Variants in RBM33 observed in about 807,000 individuals in gnomAD.
RBM33 encodes RNA-binding protein 33.
In RBM33, 28 loss-of-function variants were observed where a neutral mutation model predicts 132.6. That is an observed-to-expected ratio of 0.21 (90% CI 0.16 to 0.29). The LOEUF is 0.29. Ranked by LOEUF, RBM33 falls within the 10% of genes least tolerant of loss-of-function variation. RBM33 has a pLI of 1.00. For missense variants in RBM33, 1,291 were observed against 1,518.5 expected (o/e 0.85, Z 2.49); for synonymous variants, 634 against 593.0 (o/e 1.07, Z -1.01).
chr7:155,711,075 T>C (rs998074172), intron 7 of RBM33, 128 bp from the exon 8 acceptor site: 14 of 1,338,912 alleles, frequency 1.0e-5, no homozygotes, highest in Non-Finnish European at 1.4e-5. Context: ...TCTTACATTG[T>C]AACTTAAAAA....
Position 155,766,675 on chromosome 7 carries a change from A to G in RBM33, c.3375+20A>G, listed in dbSNP as rs750254320. On this transcript the variant is annotated intron_variant, in intron 16 of 17. Coordinates refer to ENST00000401878, the MANE Select transcript of RBM33 (RefSeq NM_053043.3). ...ATTCAGGTAGCCGCCTGGGGGTGGCATCTGTGCCACGGGTAGTTGTGTCCC... is the reference window on the plus strand; with the variant it reads ...ATTCAGGTAGCCGCCTGGGGGTGGCGTCTGTGCCACGGGTAGTTGTGTCCC... 6.2e-6 allele frequency: 10 copies of G among 1,600,078 alleles called. No individual in the cohort carries two copies. The highest frequency in any genetic ancestry group is 6.8e-6 in the Non-Finnish European group (8 of 1,173,076).
intron 16 of RBM33, among the ~76,000 whole-genome samples, chr7:155,771,707 G>A (rs1014044625): frequency 9.2e-5 from 14 of 152,146 alleles, no homozygotes; most frequent in Admixed American, 8.5e-4. Flanking sequence ...AGAACTGCAT[G>A]ATATTTTCTT....
intron 7 of RBM33, 182 bp downstream of exon 7, chr7:155,707,250 A>G: frequency 1.4e-6 from 1 of 703,062 alleles, no homozygotes; most frequent in Non-Finnish European, 2.6e-6. Context: ...TTAGAAATTC[A>G]GCACTCCAGT....
At chr7:155,710,064 C>G (rs1230172376) in intron 7 of RBM33, among the ~76,000 whole-genome samples, 1 of 152,138 alleles carries the variant, frequency 6.6e-6, no homozygotes, top group African/African-American at 2.4e-5. Flanking sequence ...ATTTTCCTAC[C>G]AAAGAGATCA....
chr7:155,775,689 T>A lies in RBM33; in HGVS notation c.*648T>A, dbSNP rs1373555353. ...GTCAACTCTGTGTTCCTAGTTTCGA[T>A]GAACTCCCCATTCATTTTTAACACA... is the stretch of plus-strand genomic sequence containing the variant. On this transcript the variant is annotated 3_prime_UTR_variant, in exon 18 of 18. Coordinates refer to ENST00000401878, the MANE Select transcript of RBM33 (RefSeq NM_053043.3). The A allele has an allele frequency of 1.3e-5, 2 of 157,302 alleles. No homozygotes were observed. The highest frequency in any genetic ancestry group is 2.8e-5 in the Non-Finnish European group (2 of 70,888). The allele number at this position is 157,302 out of a possible 1,614,324, so 9.7% of individuals were successfully genotyped here. A position where few individuals can be genotyped will look rare whatever the true frequency, so the allele number is the denominator to read the frequency against.
chr7:155,665,865 G>C (rs1406813249), intron 2 of RBM33, among the ~76,000 whole-genome samples: 1 of 152,184 alleles, frequency 6.6e-6, no homozygotes, highest in African/African-American at 2.4e-5. Flanking sequence ...CTTAATCTGG[G>C]TGGTGGGGCT....
At chr7:155,694,923 T>A (rs1254531019) in intron 5 of RBM33, among the ~76,000 whole-genome samples, 2 of 152,218 alleles carry the variant, frequency 1.3e-5, no homozygotes, top group Non-Finnish European at 2.9e-5. Flanking sequence ...TAACAAGTAG[T>A]GGAATTGCTG....
chr7:155,685,344 A>G (rs1167050493), intron 5 of RBM33, among the ~76,000 whole-genome samples: 1 of 152,190 alleles, frequency 6.6e-6, no homozygotes, highest in East Asian at 1.9e-4. Flanking sequence ...CAGTGTGGTA[A>G]TTCTTTTTAA....
rs1051822834 is a variant in RBM33 at position 155,700,546 on chromosome 7, C to T, written c.568-227C>T. Among the ~76,000 whole-genome samples, 42 of 85,586 alleles carry T rather than the reference C, an allele frequency of 4.9e-4. No homozygotes were observed. The East Asian group carries it at 7.2e-3, about 15-fold the overall frequency. The allele number at this position is 85,586 out of a possible 152,430, so 56.1% of individuals were successfully genotyped here. A position where few individuals can be genotyped will look rare whatever the true frequency, so the allele number is the denominator to read the frequency against. ...TATTAATTGCAAGCAAGAATTTGAC[C>T]TTTTTTTTTTTTTTTTTTTTTTTTT... On this transcript the variant is annotated intron_variant, in intron 5 of 17. Transcript: ENST00000401878.
intron 14 of RBM33, among the ~76,000 whole-genome samples, chr7:155,753,110 C>T (rs1801735974): frequency 2.0e-5 from 3 of 152,296 alleles, no homozygotes; most frequent in South Asian, 4.1e-4. Flanking sequence ...AGTGTTCTTA[C>T]CCCTTTCCCC....
intron 8 of RBM33, among the ~76,000 whole-genome samples, chr7:155,712,462 T>C (rs1800334455): frequency 6.6e-6 from 1 of 152,258 alleles, no homozygotes; most frequent in African/African-American, 2.4e-5. Context: ...GACAGTCTTA[T>C]TATTGTTTAT....
intron 1 of RBM33, among the ~76,000 whole-genome samples, chr7:155,653,345 G>T (rs114651339): frequency 0.011 from 1,620 of 152,248 alleles, 23 homozygotes; most frequent in African/African-American, 0.037. Context: ...GGTTCTGGTG[G>T]ACATGCCCTT....
chr7:155,670,898 A>G (rs755614353), intron 2 of RBM33, among the ~76,000 whole-genome samples: 5 of 152,248 alleles, frequency 3.3e-5, no homozygotes, highest in Non-Finnish European at 5.9e-5. Flanking sequence ...TCGTTGAGAA[A>G]AAATAAGTAG....
At chr7:155,742,506 G>A (rs994441808) in intron 13 of RBM33, among the ~76,000 whole-genome samples, 5 of 152,112 alleles carry the variant, frequency 3.3e-5, no homozygotes, top group Non-Finnish European at 4.4e-5. Flanking sequence ...ACTGCGTTCC[G>A]GTAAAACTTT....
Position 155,700,835 on chromosome 7 carries a change from AGAT to A in RBM33, c.636_638del (p.Asp212del), listed in dbSNP as rs764951369. ...AAGAAGAATCAGATGAAGAAGAAGAAGATGATGAAGAATCTGGACGATTACGTT... is the reference window on the plus strand; with the variant it reads ...AAGAAGAATCAGATGAAGAAGAAGAAGATGAAGAATCTGGACGATTACGTT... On this transcript the variant is annotated inframe_deletion, in exon 6 of 18. Transcript: ENST00000401878. 1.3e-5 allele frequency: 21 copies of A among 1,603,288 alleles called. No individual in the cohort carries two copies. Among genetic ancestry groups the A allele is most frequent in the African/African-American group, 5.3e-5 (4 of 74,790 alleles).
intron 5 of RBM33, among the ~76,000 whole-genome samples, chr7:155,681,482 GT>G (rs891062841): frequency 1.2e-4 from 17 of 146,394 alleles, no homozygotes; most frequent in Non-Finnish European, 1.7e-4. Flanking sequence ...TTGGTAGGTA[GT>G]TTTTTTTTTT....
At chr7:155,650,876 GTTGTTGTTT>G (rs1009956355) in intron 1 of RBM33, among the ~76,000 whole-genome samples, 1 of 152,044 alleles carries the variant, frequency 6.6e-6, no homozygotes, top group Non-Finnish European at 1.5e-5. Context: ...TGTTGTTGTT[GTTGTTGTTT>G]TTGTTTTGAG....
chr7:155,706,523 C>T (rs147236983), intron 6 of RBM33, among the ~76,000 whole-genome samples: 95 of 152,132 alleles, frequency 6.2e-4, no homozygotes, highest in African/African-American at 2.1e-3. Flanking sequence ...CTGCAAAATG[C>T]CTTGTCGTGT....
chr7:155,722,645 A>C (rs554698267), intron 9 of RBM33, among the ~76,000 whole-genome samples: 94 of 152,262 alleles, frequency 6.2e-4, no homozygotes, highest in African/African-American at 2.2e-3. Context: ...AAGTTTGCCC[A>C]CTTAAAAAAA....
Sources: allele counts gnomAD v4.1 joint callset (sites outside exome capture counted in the v4.1 genomes callset), GRCh38; gene constraint gnomAD v4.1.1; transcripts MANE v1.5; gene names NCBI Gene and HGNC (gene_info 2026-07-23, HGNC 2026-07-21).